Variants in TMC3 observed in about 807,000 individuals in gnomAD.
The protein encoded by TMC3 is transmembrane channel like 3, also known as transmembrane channel-like protein 3.
TMC3 carries 98 observed loss-of-function variants against 110.6 expected under a neutral mutation model. That is an observed-to-expected ratio of 0.89 (90% CI 0.75 to 1.05). TMC3 has a LOEUF of 1.05. TMC3 is among the 50% of genes least tolerant of loss of function. TMC3 has a pLI of 0.00. For synonymous variants in TMC3, 489 were observed against 513.1 expected, an observed-to-expected ratio of 0.95 and a Z score of 0.63; for missense variants, 1,319 against 1,373.2, an observed-to-expected ratio of 0.96 and a Z score of 0.62.
Position 81,356,669 on chromosome 15 carries a change from T to C in TMC3, c.744-75A>G, listed in dbSNP as rs957451424. 1.6e-5 allele frequency: 24 copies of C among 1,489,594 alleles called. No homozygotes were observed. The African/African-American group carries it at 2.9e-4, about 18-fold the overall frequency. 92.3% of individuals were successfully genotyped at this position (1,489,594 alleles called of 1,614,324 possible). A position where few individuals can be genotyped will look rare whatever the true frequency, so the allele number is the denominator to read the frequency against. On this transcript the variant is annotated intron_variant, in intron 7 of 21. Transcript: ENST00000359440. The stretch of plus-strand genomic sequence containing the variant: ...CTGTAGCTAGCACCCATGGAGCCTT[T>C]GTGTGAATTAGCATAGGCTGCACCC...
chr15:81,335,666 G>A (rs1358115996), intron 20 of TMC3: 1 of 152,568 alleles, frequency 6.6e-6, no homozygotes, highest in African/African-American at 2.4e-5. Flanking sequence ...TGCAACAGCT[G>A]TGAGAGCTAG....
chr15:81,372,193 T>C (rs1402795120), intron 2 of TMC3, among the ~76,000 whole-genome samples: 2 of 152,074 alleles, frequency 1.3e-5, no homozygotes, highest in Non-Finnish European at 2.9e-5. Context: ...ATTGGCTTAC[T>C]GCTCTGTTTC....
At chr15:81,346,287 G>A (rs779009003) in intron 12 of TMC3, 78 bp downstream of exon 12, 35 of 1,296,810 alleles carry the variant, frequency 2.7e-5, no homozygotes, top group Non-Finnish European at 3.5e-5. Context: ...TCCTGTCCAC[G>A]ATGATGACCC....
At chr15:81,335,556 G>C (rs1040629847) in intron 20 of TMC3, 4 of 154,388 alleles carry the variant, frequency 2.6e-5, no homozygotes, top group African/African-American at 9.6e-5. Flanking sequence ...GCTTCTCTCT[G>C]AAAAGCTGAT....
intron 14 of TMC3, among the ~76,000 whole-genome samples, chr15:81,343,694 G>A (rs948361560): frequency 2.0e-5 from 3 of 151,404 alleles, no homozygotes; most frequent in Non-Finnish European, 4.4e-5. Context: ...GGAGGCTGAG[G>A]CAGGAGGATC....
intron 17 of TMC3, 140 bp downstream of exon 17, chr15:81,339,254 C>A (rs1893661716): frequency 1.5e-6 from 1 of 669,748 alleles, no homozygotes; most frequent in South Asian, 1.8e-5. Context: ...GAGCCCTGGT[C>A]TTGGATTTAA....
chr15:81,344,543 C>T (rs1208695306), intron 13 of TMC3, among the ~76,000 whole-genome samples: 1 of 152,196 alleles, frequency 6.6e-6, no homozygotes, highest in East Asian at 1.9e-4. Flanking sequence ...TAATAGGACT[C>T]TTATGAGGAC....
intron 17 of TMC3, 65 bp from the exon 18 acceptor site, chr15:81,338,845 C>T: frequency 1.3e-6 from 2 of 1,583,126 alleles, no homozygotes; most frequent in South Asian, 2.3e-5. Context: ...TGCAAGACAT[C>T]AGAAAATGGC....
In TMC3 at chr15:81,358,303, A is replaced by G; in HGVS notation, c.601-12T>C. The G allele has an allele frequency of 6.2e-7, 1 of 1,600,474 alleles. No homozygotes were observed. Among genetic ancestry groups the G allele is most frequent in the Non-Finnish European group, 8.5e-7 (1 of 1,172,370 alleles). On this transcript the variant is annotated splice_polypyrimidine_tract_variant and intron_variant, in intron 6 of 21. Coordinates refer to ENST00000359440, the MANE Select transcript of TMC3 (RefSeq NM_001080532.3). ...TACTGGAGGTAGCCCTGCAAAGAAA[A>G]CACTCAGTGTCATTTCTGCTTCCCG...
At chr15:81,348,911 C>G (rs1292618437) in intron 11 of TMC3, among the ~76,000 whole-genome samples, 1 of 152,194 alleles carries the variant, frequency 6.6e-6, no homozygotes, top group African/African-American at 2.4e-5. Context: ...CAACCTCTGC[C>G]AAGCGATTCT....
chr15:81,372,349 G>GACACACACACACAC (rs371289786), intron 2 of TMC3, among the ~76,000 whole-genome samples: 8 of 116,858 alleles, frequency 6.8e-5, no homozygotes, highest in Admixed American at 3.6e-4. Context: ...CTGTCTCTCT[G>GACACACACACACAC]ACACACACAC....
rs1427957176 is a variant in TMC3, at chr15:81,358,391, A to G, written c.600+11T>C. ...CCTCAAGACAAGAGTGTGGCCAAGC[A>G]TCAATCTCACCCCCAGAGACCAGAC... On this transcript the variant is annotated intron_variant, in intron 6 of 21. Coordinates refer to ENST00000359440, the MANE Select transcript of TMC3 (RefSeq NM_001080532.3). 1 of 1,610,874 alleles carries G rather than the reference A, an allele frequency of 6.2e-7. No individual in the cohort carries two copies. The highest frequency in any genetic ancestry group is 1.1e-5 in the South Asian group (1 of 90,628).
intron 10 of TMC3, among the ~76,000 whole-genome samples, chr15:81,351,322 C>T (rs1163901367): frequency 1.3e-5 from 2 of 149,528 alleles, no homozygotes; most frequent in African/African-American, 5.0e-5. Flanking sequence ...GAGAGGCAGG[C>T]TACTTTTCTG....
chr15:81,351,733 C>T lies in TMC3; in HGVS notation c.1044G>A (p.Glu348=), dbSNP rs1303464395. ...YFVVDRSQKL[E]QSKKELTLWE... is the part of the protein sequence containing the mutation. ...AAAGTGTCAGCTCCTTCTTCGACTG[C>T]TCCAGCTTCTGGGACCGGTCCACCA... Residue 348 remains glutamate, a synonymous_variant, in exon 10 of 22, where the codon GAG becomes GAA. Transcript: ENST00000359440. 4 of 1,573,814 alleles carry T rather than the reference C, an allele frequency of 2.5e-6. No individual in the cohort carries two copies. Among genetic ancestry groups the T allele is most frequent in the Non-Finnish European group, 1.7e-6 (2 of 1,159,742 alleles).
Position 81,332,415 on chromosome 15 carries a change from A to C in TMC3, c.*4T>G. The C allele has an allele frequency of 6.3e-7, 1 of 1,591,806 alleles. No homozygotes were observed. On this transcript the variant is annotated 3_prime_UTR_variant, in exon 22 of 22. Coordinates refer to ENST00000359440, the MANE Select transcript of TMC3 (RefSeq NM_001080532.3). ...ACCTCTAGGAACGGGACACTGGAGG[A>C]AGCCTAGACATCTGAACAAATCAAG...
chr15:81,373,915 C>T (rs1192428539), intron 1 of TMC3, 74 bp downstream of exon 1: 8 of 1,373,944 alleles, frequency 5.8e-6, no homozygotes, highest in Middle Eastern at 2.2e-4. Context: ...CTTTGTCCCT[C>T]GCTCTGGTGA....
intron 2 of TMC3, 127 bp from the exon 3 acceptor site, chr15:81,368,455 T>A: frequency 1.5e-6 from 1 of 672,444 alleles, no homozygotes; most frequent in South Asian, 1.7e-5. Context: ...AAAGATGCCA[T>A]GAGAGAATGG....
At chr15:81,338,614 C>A in intron 18 of TMC3, 41 bp downstream of exon 18, 1 of 1,589,940 alleles carries the variant, frequency 6.3e-7, no homozygotes, top group East Asian at 2.2e-5. Context: ...GTTGGCCAAA[C>A]ACACAGAAGT....
intron 7 of TMC3, among the ~76,000 whole-genome samples, chr15:81,357,723 A>T (rs1386995444): frequency 6.6e-6 from 1 of 152,104 alleles, no homozygotes; most frequent in East Asian, 1.9e-4. Flanking sequence ...CAAACATACA[A>T]CCAAAGGAGG....
Sources: gnomAD v4.1 joint callset for allele counts (sites outside exome capture counted in the v4.1 genomes callset) on GRCh38, gnomAD v4.1.1 for gene constraint, MANE v1.5 for transcripts, NCBI Gene and HGNC (gene_info 2026-07-23, HGNC 2026-07-21) for gene names.